The following RAPGEF2 variants were observed in gnomAD, a reference collection of about 807,000 sequenced individuals.
The protein encoded by RAPGEF2 is PDZ domain containing guanine nucleotide exchange factor (GEF) 1.
Under a neutral mutation model 186.7 loss-of-function variants are expected in RAPGEF2, and 54 were observed. That is an observed-to-expected ratio of 0.29 (90% CI 0.23 to 0.36). The LOEUF is 0.36. RAPGEF2 is among the 10% of genes least tolerant of loss of function. RAPGEF2 has a pLI of 1.00. For synonymous variants in RAPGEF2, 712 were observed against 705.9 expected, an observed-to-expected ratio of 1.01 and a Z score of -0.14; for missense variants, 1,532 against 2,045.0, an observed-to-expected ratio of 0.75 and a Z score of 4.84.
intron 1 of RAPGEF2, among the ~76,000 whole-genome samples, chr4:159,161,467 G>A (rs937932940): frequency 6.6e-6 from 1 of 152,206 alleles, no homozygotes; most frequent in African/African-American, 2.4e-5. Context: ...CACTTTGGGA[G>A]GCCAAGGCAG....
At chr4:159,223,835 A>G (rs977558912) in intron 4 of RAPGEF2, among the ~76,000 whole-genome samples, 1 of 152,138 alleles carries the variant, frequency 6.6e-6, no homozygotes, top group African/African-American at 2.4e-5. Flanking sequence ...AATTTTGGGA[A>G]CACAACTAAA....
chr4:159,294,887 T>C (rs1472819378), intron 7 of RAPGEF2, among the ~76,000 whole-genome samples: 1 of 152,162 alleles, frequency 6.6e-6, no homozygotes, highest in Non-Finnish European at 1.5e-5. Context: ...GAGACAGGGT[T>C]TCACCGTGTT....
intron 3 of RAPGEF2, among the ~76,000 whole-genome samples, chr4:159,194,135 C>T (rs909021164): frequency 1.3e-5 from 2 of 152,160 alleles, no homozygotes; most frequent in Admixed American, 6.5e-5. Context: ...AGATGTGTCC[C>T]GGAGGCTGCA....
At chr4:159,346,719 GA>G (rs1730363452) in intron 24 of RAPGEF2, 69 bp from the exon 25 acceptor site, 1 of 1,305,568 alleles carries the variant, frequency 7.7e-7, no homozygotes, top group South Asian at 1.3e-5. Flanking sequence ...CACAGTTCTA[GA>G]ATTATCTTCT....
chr4:159,338,329 GT>G lies in RAPGEF2; in HGVS notation c.2155del (p.Ser719LeufsTer6). 6.2e-7 allele frequency: 1 copy of G among 1,613,402 alleles called. No individual in the cohort carries two copies. Among genetic ancestry groups the G allele is most frequent in the Non-Finnish European group, 8.5e-7 (1 of 1,179,712 alleles). On this transcript the variant is annotated frameshift_variant, in exon 18 of 30. Coordinates refer to ENST00000691494, the MANE Select transcript of RAPGEF2 (RefSeq NM_001394067.2). LOFTEE classifies it high-confidence loss of function. ...TGTTCAGTGATATTGGGATTGGTCA[GT>G]CTCAAGATGACAGCATAGTAGGATT... The part of the protein sequence containing the change: ...KPYNDIGIGQ[S>X]QDDSIVGLRQ...
intron 7 of RAPGEF2, among the ~76,000 whole-genome samples, chr4:159,295,754 T>TGTGTGTGCGCGCGC (rs1386754001): frequency 8.8e-6 from 1 of 113,934 alleles, no homozygotes; most frequent in Non-Finnish European, 1.9e-5. Flanking sequence ...TGTGTGTGTG[T>TGTGTGTGCGCGCGC]GCGCGCGCGC....
chr4:159,255,717 C>T (rs375105031), intron 7 of RAPGEF2, among the ~76,000 whole-genome samples: 1 of 151,990 alleles, frequency 6.6e-6, no homozygotes, highest in Non-Finnish European at 1.5e-5. Context: ...TAAATAGTCT[C>T]ATTTTCTTCC....
intron 1 of RAPGEF2, among the ~76,000 whole-genome samples, chr4:159,179,782 T>C (rs1196951384): frequency 6.6e-6 from 1 of 152,306 alleles, no homozygotes; most frequent in Non-Finnish European, 1.5e-5. Flanking sequence ...TGTTTTGCAG[T>C]GGCCTTTCAT....
intron 19 of RAPGEF2, among the ~76,000 whole-genome samples, chr4:159,340,665 CACCA>C (rs1729271675): frequency 1.0e-5 from 1 of 96,164 alleles, no homozygotes; most frequent in Non-Finnish European, 2.3e-5. Flanking sequence ...CCACCACCAT[CACCA>C]CACACACACA....
intron 1 of RAPGEF2, among the ~76,000 whole-genome samples, chr4:159,121,680 T>C (rs1338096842): frequency 6.6e-6 from 1 of 151,854 alleles, no homozygotes; most frequent in Non-Finnish European, 1.5e-5. Context: ...TTAAAAAAAT[T>C]TTTGGAGAAT....
intron 11 of RAPGEF2, 133 bp downstream of exon 11, chr4:159,323,750 G>A (rs1320447050): frequency 1.4e-5 from 6 of 435,238 alleles, no homozygotes; most frequent in Non-Finnish European, 2.0e-5. Flanking sequence ...ACAGAGTATT[G>A]TTCTGTCAGC....
At chr4:159,288,695 G>A (rs577735392) in intron 7 of RAPGEF2, among the ~76,000 whole-genome samples, 83 of 152,144 alleles carry the variant, frequency 5.5e-4, no homozygotes, top group African/African-American at 1.9e-3. Context: ...CCTTTCTCAC[G>A]CCTTACCTTC....
intron 1 of RAPGEF2, among the ~76,000 whole-genome samples, chr4:159,131,126 G>T (rs919460199): frequency 6.9e-6 from 1 of 145,496 alleles, no homozygotes; most frequent in African/African-American, 2.6e-5. Flanking sequence ...GAGAGAGAGA[G>T]AGAGACAGAA....
chr4:159,284,616 C>T (rs1052765333), intron 7 of RAPGEF2, among the ~76,000 whole-genome samples: 2 of 152,008 alleles, frequency 1.3e-5, no homozygotes, highest in African/African-American at 4.8e-5. Flanking sequence ...GACACTTTAT[C>T]CCTTTTTTCC....
chr4:159,215,982 A>G (rs919526487), intron 4 of RAPGEF2, among the ~76,000 whole-genome samples: 68 of 152,298 alleles, frequency 4.5e-4, no homozygotes, highest in African/African-American at 1.6e-3. Context: ...TCTATACTAC[A>G]AGTGTGTTAA....
At chr4:159,289,810 G>T (rs1006765347) in intron 7 of RAPGEF2, among the ~76,000 whole-genome samples, 4 of 152,172 alleles carry the variant, frequency 2.6e-5, no homozygotes, top group African/African-American at 9.7e-5. Flanking sequence ...CAGGCCAGGG[G>T]TGAGAGTGTT....
intron 18 of RAPGEF2, 36 bp downstream of exon 18, chr4:159,338,504 G>C: frequency 6.4e-7 from 1 of 1,553,086 alleles, no homozygotes; most frequent in Non-Finnish European, 8.8e-7. Flanking sequence ...TTTTCTTATA[G>C]TTATCTTTTT....
At chr4:159,116,513 G>T (rs1440849329) in intron 1 of RAPGEF2, among the ~76,000 whole-genome samples, 1 of 152,150 alleles carries the variant, frequency 6.6e-6, no homozygotes, top group Non-Finnish European at 1.5e-5. Context: ...ATTCCTCAAA[G>T]ACCTAGAACC....
intron 7 of RAPGEF2, among the ~76,000 whole-genome samples, chr4:159,298,787 T>G (rs1283518735): frequency 2.0e-5 from 3 of 152,326 alleles, no homozygotes; most frequent in African/African-American, 7.2e-5. Flanking sequence ...AGATTCCAGC[T>G]ACAGGAATCA....
Sources: allele counts gnomAD v4.1 joint callset (sites outside exome capture counted in the v4.1 genomes callset), GRCh38; gene constraint gnomAD v4.1.1; transcripts MANE v1.5; gene names NCBI Gene and HGNC (gene_info 2026-07-23, HGNC 2026-07-21).